GSE1: variants seen among roughly 807,000 people sequenced by gnomAD.
The protein encoded by GSE1 is genetic suppressor element 1.
GSE1 carries 32 observed loss-of-function variants against 112.6 expected under a neutral mutation model. The observed-to-expected ratio is 0.28, with a 90% CI of 0.21 to 0.38. The LOEUF (loss-of-function observed/expected upper bound fraction) is 0.38. Ranked by LOEUF, GSE1 falls within the 10% of genes least tolerant of loss-of-function variation. The probability of loss-of-function intolerance (pLI) is 1.00; values close to 1 mark genes in which losing one functional copy is unlikely to be tolerated. For synonymous variants in GSE1, 1,115 were observed against 735.6 expected, an observed-to-expected ratio of 1.52 and a Z score of -8.35; for missense variants, 2,348 against 1,699.2, an observed-to-expected ratio of 1.38 and a Z score of -6.71.
intron 14 of GSE1, among the ~76,000 whole-genome samples, chr16:85,668,855 C>A (rs376719770): frequency 6.6e-6 from 1 of 152,214 alleles, no homozygotes; most frequent in Non-Finnish European, 1.5e-5. Context: ...TGCTCTGTGG[C>A]CGGTGGGTGC....
chr16:85,382,122 G>A (rs1395699098), intron 2 of GSE1, among the ~76,000 whole-genome samples: 1 of 152,196 alleles, frequency 6.6e-6, no homozygotes, highest in Non-Finnish European at 1.5e-5. Flanking sequence ...TGGGCTGGCC[G>A]GGCAGTCACC....
At chr16:85,527,792 A>T (rs940877656) in intron 2 of GSE1, among the ~76,000 whole-genome samples, 4 of 152,260 alleles carry the variant, frequency 2.6e-5, no homozygotes, top group African/African-American at 9.6e-5. Flanking sequence ...GGTAGCACAG[A>T]CATATACAGG....
At chr16:85,596,654 G>T (rs1479064232) in intron 1 of GSE1, among the ~76,000 whole-genome samples, 1 of 152,166 alleles carries the variant, frequency 6.6e-6, no homozygotes, top group Non-Finnish European at 1.5e-5. Context: ...CTAGAATTCA[G>T]TTCCTTTGTC....
chr16:85,581,710 T>C (rs2046456158), intron 1 of GSE1, among the ~76,000 whole-genome samples: 1 of 152,078 alleles, frequency 6.6e-6, no homozygotes. Context: ...GTGCTCAGGG[T>C]GAATTGGGCT....
Position 85,590,272 on chromosome 16 carries a change from T to C in GSE1, c.37+33909T>C, listed in dbSNP as rs114582332. Reference sequence around the variant, plus strand: ...GGCCCGCGTGTGAATGAGTGTGAACTTGTGTGAACATGTGTGACTGTGTGT... The same window carrying C: ...GGCCCGCGTGTGAATGAGTGTGAACCTGTGTGAACATGTGTGACTGTGTGT... On this transcript the variant is annotated intron_variant, in intron 1 of 2. Transcript: ENST00000635906. Among the ~76,000 whole-genome samples, 495 of 137,598 alleles carry C rather than the reference T, an allele frequency of 3.6e-3. 3 individuals carry two copies. The highest frequency in any genetic ancestry group is 0.013 in the African/African-American group (472 of 36,736). 90.3% of individuals were successfully genotyped at this position (137,598 alleles called of 152,430 possible).
intron 2 of GSE1, among the ~76,000 whole-genome samples, chr16:85,380,962 C>T (rs2047533883): frequency 6.6e-6 from 1 of 152,236 alleles, no homozygotes; most frequent in Non-Finnish European, 1.5e-5. Context: ...GTAAAATTCA[C>T]CTAACACAAA....
chr16:85,564,203 A>G (rs2045641886), intron 1 of GSE1, among the ~76,000 whole-genome samples: 2 of 152,218 alleles, frequency 1.3e-5, no homozygotes, highest in Non-Finnish European at 2.9e-5. Context: ...AGGAGGTGGC[A>G]CTAAAAGCAG....
chr16:85,619,452 A>C (rs983191404), intron 1 of GSE1, among the ~76,000 whole-genome samples: 11 of 152,122 alleles, frequency 7.2e-5, no homozygotes, highest in African/African-American at 2.4e-4. Flanking sequence ...CTTAAGGGCC[A>C]CTTCTAGGCT....
chr16:85,359,490 C>T (rs2151575835), intron 2 of GSE1: 1 of 448,890 alleles, frequency 2.2e-6, no homozygotes, highest in East Asian at 7.0e-5. Context: ...ATGAGTCATC[C>T]TGAGCCTCTG....
chr16:85,266,931 C>T (rs192959102), intron 1 of GSE1, among the ~76,000 whole-genome samples: 87 of 152,300 alleles, frequency 5.7e-4, no homozygotes, highest in Admixed American at 9.8e-4. Context: ...TTCTGGACAT[C>T]TGGTGCCTGC....
intron 1 of GSE1, among the ~76,000 whole-genome samples, chr16:85,251,194 G>A (rs975357062): frequency 6.6e-6 from 1 of 152,186 alleles, no homozygotes; most frequent in African/African-American, 2.4e-5. Flanking sequence ...GGGCACCTCC[G>A]TGTGTGAGTG....
intron 2 of GSE1, among the ~76,000 whole-genome samples, chr16:85,549,625 G>A (rs2044833327): frequency 6.6e-6 from 1 of 152,168 alleles, no homozygotes; most frequent in Non-Finnish European, 1.5e-5. Flanking sequence ...ACCAAGCAAA[G>A]GTAAAAACAA....
chr16:85,561,537 C>T (rs2045521343), intron 1 of GSE1, among the ~76,000 whole-genome samples: 1 of 152,232 alleles, frequency 6.6e-6, no homozygotes, highest in South Asian at 2.1e-4. Context: ...CTCAGGATCA[C>T]TGTCCACTGC....
chr16:85,543,627 A>G (rs1054634243), intron 2 of GSE1, among the ~76,000 whole-genome samples: 1 of 152,134 alleles, frequency 6.6e-6, no homozygotes, highest in Non-Finnish European at 1.5e-5. Flanking sequence ...AGAATCTGAG[A>G]CAGCTGGAAG....
chr16:85,309,341 T>A (rs1597359221), intron 1 of GSE1, among the ~76,000 whole-genome samples: 1 of 151,726 alleles, frequency 6.6e-6, no homozygotes, highest in African/African-American at 2.4e-5. Flanking sequence ...CTACAAAAAA[T>A]GTAAAAGCCA....
intron 2 of GSE1, among the ~76,000 whole-genome samples, chr16:85,548,395 T>C (rs1470480554): frequency 6.6e-6 from 1 of 152,040 alleles, no homozygotes; most frequent in Non-Finnish European, 1.5e-5. Context: ...TTCTATCTAA[T>C]TGTATATTTG....
In GSE1 at chr16:85,654,339, C is replaced by G; in HGVS notation, c.488C>G (p.Pro163Arg). 5 of 1,612,190 alleles carry G rather than the reference C, an allele frequency of 3.1e-6. No individual in the cohort carries two copies. The highest frequency in any genetic ancestry group is 1.7e-5 in the Admixed American group (1 of 59,978). ...RERLIVEPPL[P>R]QEKAGGPAIP... is the part of the protein sequence containing the mutation. ...CGCCTCATTGTGGAGCCCCCGCTCC[C>G]TCAGGAGAAGGCAGGGGGACCAGCC... The change falls in exon 4 of 16, where the codon CCT (proline) becomes CGT (arginine). Residue 163 changes from proline to arginine, a missense_variant. By Grantham distance (103) the Pro-to-Arg change is moderately radical. Coordinates refer to ENST00000253458, the MANE Select transcript of GSE1 (RefSeq NM_014615.5).
intron 1 of GSE1, among the ~76,000 whole-genome samples, chr16:85,212,055 C>T (rs1326964132): frequency 6.6e-6 from 1 of 152,200 alleles, no homozygotes; most frequent in Non-Finnish European, 1.5e-5. Flanking sequence ...AGCCCTGACC[C>T]CCAGTTCCTC....
intron 1 of GSE1, among the ~76,000 whole-genome samples, chr16:85,633,312 C>T (rs917901257): frequency 3.3e-5 from 5 of 152,184 alleles, no homozygotes; most frequent in African/African-American, 9.7e-5. Flanking sequence ...GGCGGGGAGG[C>T]CGGGGGTCTG....
Sources: allele counts gnomAD v4.1 joint callset (sites outside exome capture counted in the v4.1 genomes callset), GRCh38; gene constraint gnomAD v4.1.1; transcripts MANE v1.5; gene names NCBI Gene and HGNC (gene_info 2026-07-23, HGNC 2026-07-21).